The following ACACA variants were observed in gnomAD, a reference collection of about 807,000 sequenced individuals.
ACACA encodes the protein acetyl-CoA carboxylase 1.
ACACA carries 103 observed loss-of-function variants against 296.1 expected under a neutral mutation model. That is an observed-to-expected ratio of 0.35 (90% CI 0.30 to 0.41). ACACA has a LOEUF of 0.41. Ranked by LOEUF, ACACA falls within the 10% of genes least tolerant of loss-of-function variation. The pLI, the probability that ACACA is intolerant of heterozygous loss-of-function variation, is 1.00. For synonymous variants in ACACA, 953 were observed against 1,038.6 expected (o/e 0.92, Z 1.58); for missense variants, 1,554 against 2,989.7 (o/e 0.52, Z 11.20).
chr17:37,103,625 A>G (rs2073492362), intron 52 of ACACA, among the ~76,000 whole-genome samples: 1 of 152,136 alleles, frequency 6.6e-6, no homozygotes, highest in Non-Finnish European at 1.5e-5. Flanking sequence ...CCTATCCAAA[A>G]TAAAAAGTCC....
intron 40 of ACACA, 122 bp from the exon 41 acceptor site, chr17:37,179,528 A>AT (rs1208485575): frequency 2.8e-6 from 3 of 1,058,222 alleles, no homozygotes; most frequent in Non-Finnish European, 2.8e-6. Context: ...GAGTGTAAAC[A>AT]TTAGACTAAA....
intron 3 of ACACA, among the ~76,000 whole-genome samples, chr17:37,306,108 C>T (rs912918246): frequency 3.9e-5 from 6 of 151,948 alleles, no homozygotes; most frequent in Non-Finnish European, 5.9e-5. Flanking sequence ...AGGGGTTTCA[C>T]CGTGTTAGCC....
chr17:37,377,854 C>T, intron 1 of ACACA: 1 of 1,594,710 alleles, frequency 6.3e-7, no homozygotes. Context: ...CCCGGTTCCC[C>T]TCCTCCCCCT....
chr17:37,175,707 T>A (rs1394447725), intron 41 of ACACA, among the ~76,000 whole-genome samples: 1 of 152,220 alleles, frequency 6.6e-6, no homozygotes, highest in South Asian at 2.1e-4. Context: ...TATCTGCAAG[T>A]AACGTAGTTC....
chr17:37,336,479 A>G (rs1439978864), intron 2 of ACACA, among the ~76,000 whole-genome samples: 1 of 152,202 alleles, frequency 6.6e-6, no homozygotes, highest in East Asian at 1.9e-4. Context: ...CCAATCAGAT[A>G]CTAAAGAGAG....
chr17:37,093,112 G>C (rs2072755633), intron 54 of ACACA, among the ~76,000 whole-genome samples: 1 of 152,194 alleles, frequency 6.6e-6, no homozygotes, highest in South Asian at 2.1e-4. Context: ...GAGAAGTTTG[G>C]TGTATGAGAC....
At chr17:37,393,001 G>T (rs930063086) in intron 1 of ACACA, among the ~76,000 whole-genome samples, 1 of 151,898 alleles carries the variant, frequency 6.6e-6, no homozygotes, top group Non-Finnish European at 1.5e-5. Flanking sequence ...AATTAGCCGG[G>T]CATGGTGGAG....
chr17:37,391,786 G>A lies in ACACA; in HGVS notation c.38+14476C>T, dbSNP rs2050896255. ...CACAGTCCTCTCCCTATTAATATGG[G>A]CACATTCTTGCCAATTTCACACTTG... On this transcript the variant is annotated intron_variant, in intron 1 of 55. Transcript: ENST00000616317. 3 of 1,383,598 alleles carry A rather than the reference G, an allele frequency of 2.2e-6. No homozygotes were observed. In the South Asian group the frequency reaches 3.5e-5, roughly 16 times the overall value. 85.7% of individuals were successfully genotyped at this position (1,383,598 alleles called of 1,614,324 possible).
chr17:37,348,504 C>T, intron 1 of ACACA, among the ~76,000 whole-genome samples: 1 of 152,054 alleles, frequency 6.6e-6, no homozygotes, highest in East Asian at 1.9e-4. Flanking sequence ...ACAACAGAAG[C>T]TTGAAGGTTA....
chr17:37,279,014 G>C (rs1423506854), intron 5 of ACACA, among the ~76,000 whole-genome samples: 1 of 151,934 alleles, frequency 6.6e-6, no homozygotes, highest in Non-Finnish European at 1.5e-5. Flanking sequence ...TAAAGGACAG[G>C]AACAGACAGA....
At chr17:37,189,567 T>C (rs530029918) in intron 38 of ACACA, among the ~76,000 whole-genome samples, 2 of 152,116 alleles carry the variant, frequency 1.3e-5, no homozygotes, top group East Asian at 3.9e-4. Context: ...TATCTATCAT[T>C]AGAAAAGCAG....
intron 1 of ACACA, among the ~76,000 whole-genome samples, chr17:37,352,315 T>A (rs975012740): frequency 6.6e-6 from 1 of 152,110 alleles, no homozygotes; most frequent in Admixed American, 6.6e-5. Flanking sequence ...TCTAGAAACA[T>A]TTAAAGGCCT....
At chr17:37,291,153 C>CACACACACACACACAG (rs979685216) in intron 3 of ACACA, among the ~76,000 whole-genome samples, 1 of 99,068 alleles carries the variant, frequency 1.0e-5, no homozygotes, top group East Asian at 2.9e-4. Context: ...TACACACACA[C>CACACACACACACACAG]ACACACACAC....
At chr17:37,377,770 T>A (rs974292947) in intron 1 of ACACA, 23 of 737,994 alleles carry the variant, frequency 3.1e-5, no homozygotes, top group Non-Finnish European at 4.6e-5. Flanking sequence ...GGAACTGCAA[T>A]CTTTCATATC....
intron 1 of ACACA, among the ~76,000 whole-genome samples, chr17:37,375,512 A>G (rs1437728426): frequency 1.3e-5 from 2 of 152,104 alleles, no homozygotes; most frequent in African/African-American, 4.8e-5. Context: ...CATATGGTTC[A>G]GGACTCTCAA....
At position 37,162,513 on chromosome 17, in the gene ACACA, C is replaced by T. The variant is rs115402284; in HGVS notation, c.5080-463G>A. 2,790 of 281,358 alleles carry T rather than the reference C, an allele frequency of 9.9e-3. 89 individuals are homozygous for T. Among genetic ancestry groups the T allele is most frequent in the African/African-American group, 0.06 (2,649 of 44,452 alleles). The allele number at this position is 281,358 out of a possible 1,614,324, so 17.4% of individuals were successfully genotyped here. A position where few individuals can be genotyped will look rare whatever the true frequency, so the allele number is the denominator to read the frequency against. On this transcript the variant is annotated intron_variant, in intron 41 of 55. Coordinates refer to ENST00000616317, the MANE Select transcript of ACACA (RefSeq NM_198834.3). ...TGTTTGGGTCATGGGGTGGATCCCT[C>T]ATGAATGGCTTGGTGCTCCCCTTTG...
intron 52 of ACACA, 49 bp downstream of exon 52, chr17:37,111,481 CA>C: frequency 7.0e-7 from 1 of 1,420,910 alleles, no homozygotes; most frequent in Non-Finnish European, 1.0e-6. Context: ...GCACTCATTA[CA>C]AATCAGCTGA....
intron 45 of ACACA, among the ~76,000 whole-genome samples, chr17:37,131,994 C>T (rs143104524): frequency 1.4e-4 from 22 of 152,296 alleles, no homozygotes; most frequent in East Asian, 9.7e-4. Flanking sequence ...CCAGGCACTG[C>T]GGCTCTTTTC....
At position 37,269,763 on chromosome 17, in the gene ACACA, G is replaced by GAAAAAAAA. The variant is rs71159698; in HGVS notation, c.1119+980_1119+987dup. On this transcript the variant is annotated intron_variant, in intron 10 of 55. Transcript: ENST00000616317. ...GAGTTTGCTGCTAAGTGTTTTAAGG[G>GAAAAAAAA]AAAAAAAAAAAAAAGCGAAATAAAA... Among the ~76,000 whole-genome samples, 8 of 129,298 alleles carry GAAAAAAAA rather than the reference G, an allele frequency of 6.2e-5. 2 individuals are homozygous for GAAAAAAAA. The highest frequency in any genetic ancestry group is 4.0e-3 in the Middle Eastern group (1 of 250). The allele number at this position is 129,298 out of a possible 152,430, so 84.8% of individuals were successfully genotyped here.
Sources: gnomAD v4.1 joint callset for allele counts (sites outside exome capture counted in the v4.1 genomes callset) on GRCh38, gnomAD v4.1.1 for gene constraint, MANE v1.5 for transcripts, NCBI Gene and HGNC (gene_info 2026-07-23, HGNC 2026-07-21) for gene names.